The following MDGA2 variants were observed in gnomAD, a reference collection of about 807,000 sequenced individuals.
The protein encoded by MDGA2 is MAM domain containing glycosylphosphatidylinositol anchor 2.
MDGA2 carries 40 observed loss-of-function variants against 117.8 expected under a neutral mutation model. That is an observed-to-expected ratio of 0.34 (90% CI 0.26 to 0.44). The LOEUF (loss-of-function observed/expected upper bound fraction) is 0.44. MDGA2 is among the 20% of genes least tolerant of loss of function. The pLI, the probability that MDGA2 is intolerant of heterozygous loss-of-function variation, is 1.00. For synonymous variants in MDGA2, 452 were observed against 439.0 expected (o/e 1.03, Z -0.37); for missense variants, 1,123 against 1,250.6 (o/e 0.90, Z 1.54).
intron 3 of MDGA2, among the ~76,000 whole-genome samples, chr14:47,215,079 T>C (rs1025914262): frequency 6.6e-6 from 1 of 152,120 alleles, no homozygotes; most frequent in Non-Finnish European, 1.5e-5. Flanking sequence ...TGCTTCCAAG[T>C]TGTACTGATA....
chr14:47,057,066 G>T (rs1033273231), intron 7 of MDGA2, among the ~76,000 whole-genome samples: 3 of 151,894 alleles, frequency 2.0e-5, no homozygotes, highest in Non-Finnish European at 2.9e-5. Context: ...AATATAATTT[G>T]CTTATATTCA....
Position 46,879,262 on chromosome 14 carries a change from TAAATTA to T in MDGA2, c.2417-1759_2417-1754del, listed in dbSNP as rs376312325. On this transcript the variant is annotated intron_variant, in intron 11 of 16. Coordinates refer to ENST00000399232, the MANE Select transcript of MDGA2 (RefSeq NM_001113498.3). ...GACATGGTGAAAAAGTGACCATCTATAAATTAGGAAGAGAGCTCTCACCAGAAGCTA... is the reference window on the plus strand; with the variant it reads ...GACATGGTGAAAAAGTGACCATCTATGGAAGAGAGCTCTCACCAGAAGCTA... Among the ~76,000 whole-genome samples the T allele has an allele frequency of 3.6e-3, 549 of 152,136 alleles. 3 individuals are homozygous for T. The highest frequency in any genetic ancestry group is 0.013 in the African/African-American group (531 of 41,526).
At chr14:47,358,906 C>G (rs548475473) in intron 1 of MDGA2, among the ~76,000 whole-genome samples, 13 of 152,240 alleles carry the variant, frequency 8.5e-5, no homozygotes, top group Non-Finnish European at 1.9e-4. Context: ...TATACAGATT[C>G]AGTGCAATCT....
intron 3 of MDGA2, among the ~76,000 whole-genome samples, chr14:47,179,827 T>C (rs1884627155): frequency 6.6e-6 from 1 of 152,156 alleles, no homozygotes; most frequent in Non-Finnish European, 1.5e-5. Flanking sequence ...TACTGAATTA[T>C]TCTATTTTTT....
intron 9 of MDGA2, among the ~76,000 whole-genome samples, chr14:46,938,540 CA>C (rs71112472): frequency 0.13 from 3,570 of 26,992 alleles, 265 homozygotes; most frequent in African/African-American, 0.31. Flanking sequence ...AAATCCATCT[CA>C]AAAAAAAAAA....
chr14:47,379,878 G>A (rs1158523244), intron 1 of MDGA2, among the ~76,000 whole-genome samples: 1 of 152,110 alleles, frequency 6.6e-6, no homozygotes, highest in East Asian at 1.9e-4. Flanking sequence ...AGACCTAATA[G>A]ACACCTACAG....
intron 1 of MDGA2, among the ~76,000 whole-genome samples, chr14:47,642,039 A>C (rs1897434996): frequency 6.6e-6 from 1 of 152,084 alleles, no homozygotes; most frequent in African/African-American, 2.4e-5. Context: ...CAAATGTGTA[A>C]CGTAGGAAAA....
chr14:46,914,659 G>T (rs563968599), intron 10 of MDGA2, among the ~76,000 whole-genome samples: 10 of 152,098 alleles, frequency 6.6e-5, no homozygotes, highest in African/African-American at 2.4e-4. Flanking sequence ...TGATTAATAA[G>T]ATTTCTAAAG....
chr14:47,659,378 T>A (rs910925825), intron 1 of MDGA2, among the ~76,000 whole-genome samples: 2 of 152,218 alleles, frequency 1.3e-5, no homozygotes, highest in Non-Finnish European at 2.9e-5. Context: ...GACAGCTATG[T>A]AAAATGAATG....
At chr14:46,894,655 C>A (rs1883008957) in intron 10 of MDGA2, among the ~76,000 whole-genome samples, 1 of 152,078 alleles carries the variant, frequency 6.6e-6, no homozygotes, top group African/African-American at 2.4e-5. Flanking sequence ...ATAACTGTTA[C>A]ATAAATCATT....
At chr14:47,268,367 G>A (rs72680268) in intron 2 of MDGA2, among the ~76,000 whole-genome samples, 13,848 of 152,030 alleles carry the variant, frequency 0.091, 787 homozygotes, top group Non-Finnish European at 0.11. Context: ...GAGCCAGTGC[G>A]CCAGGCCCTT....
chr14:47,201,045 C>T (rs568241367), intron 3 of MDGA2: 14 of 1,126,444 alleles, frequency 1.2e-5, no homozygotes, highest in African/African-American at 7.6e-5. Flanking sequence ...CCACAATGGC[C>T]GCCAGGCGGC....
rs185550423 is a variant in MDGA2 at position 47,650,172 on chromosome 14, G to A, written c.280+24345C>T. On this transcript the variant is annotated intron_variant, in intron 1 of 16. Coordinates refer to ENST00000399232, the MANE Select transcript of MDGA2 (RefSeq NM_001113498.3). ...GACTGCCTTCAAACTGAGACATCATGTTTTTTCATGCTCTGGGAGTCATGC... is the reference window on the plus strand; with the variant it reads ...GACTGCCTTCAAACTGAGACATCATATTTTTTCATGCTCTGGGAGTCATGC... Among the ~76,000 whole-genome samples the A allele has an allele frequency of 1.8e-3, 272 of 152,190 alleles. 3 individuals carry two copies. Among genetic ancestry groups the A allele is most frequent in the Admixed American group, 0.016 (238 of 15,278 alleles).
chr14:46,871,233 T>C (rs1034459188), intron 14 of MDGA2: 12 of 151,994 alleles, frequency 7.9e-5, no homozygotes, highest in East Asian at 3.9e-4. Flanking sequence ...TTTATGTTTA[T>C]TTTCCTAAAT....
chr14:47,038,280 T>C (rs1273396277), intron 7 of MDGA2, among the ~76,000 whole-genome samples: 1 of 152,104 alleles, frequency 6.6e-6, no homozygotes, highest in African/African-American at 2.4e-5. Flanking sequence ...CTCAACGTTA[T>C]TGATGTTCTG....
chr14:47,447,619 A>G (rs1893151505), intron 1 of MDGA2, among the ~76,000 whole-genome samples: 1 of 152,096 alleles, frequency 6.6e-6, no homozygotes, highest in Non-Finnish European at 1.5e-5. Context: ...CTCTACAGAG[A>G]TTTGGTGCCT....
chr14:47,274,590 G>A (rs947594762), intron 2 of MDGA2, among the ~76,000 whole-genome samples: 17 of 152,052 alleles, frequency 1.1e-4, no homozygotes, highest in African/African-American at 3.1e-4. Context: ...TCAAGTGTAC[G>A]CTAAGGAGTA....
At chr14:47,464,502 A>G (rs969485074) in intron 1 of MDGA2, among the ~76,000 whole-genome samples, 1 of 152,156 alleles carries the variant, frequency 6.6e-6, no homozygotes, top group Non-Finnish European at 1.5e-5. Context: ...TAAAAAATCA[A>G]TGTATAAAAA....
At chr14:46,943,977 A>T (rs1010293690) in intron 9 of MDGA2, among the ~76,000 whole-genome samples, 1 of 151,992 alleles carries the variant, frequency 6.6e-6, no homozygotes, top group South Asian at 2.1e-4. Flanking sequence ...CTATTTGTTG[A>T]CCCCATTTAT....
Sources: allele counts gnomAD v4.1 joint callset (sites outside exome capture counted in the v4.1 genomes callset), GRCh38; gene constraint gnomAD v4.1.1; transcripts MANE v1.5; gene names NCBI Gene and HGNC (gene_info 2026-07-23, HGNC 2026-07-21).